The following GGT1 variants were observed in gnomAD, a reference collection of about 807,000 sequenced individuals.
GGT1 encodes glutathione hydrolase 1 proenzyme.
GGT1 carries 21 observed loss-of-function variants against 56.0 expected under a neutral mutation model. The observed-to-expected ratio is 0.38, with a 90% CI of 0.27 to 0.54. The LOEUF (loss-of-function observed/expected upper bound fraction) is 0.54. GGT1 is among the 20% of genes least tolerant of loss of function. The probability of loss-of-function intolerance (pLI) is 0.82; values close to 1 mark genes in which losing one functional copy is unlikely to be tolerated. For synonymous variants in GGT1, 238 were observed against 342.6 expected, an observed-to-expected ratio of 0.69 and a Z score of 3.37; for missense variants, 466 against 787.0, an observed-to-expected ratio of 0.59 and a Z score of 4.88.
At chr22:24,593,165 G>A, upstream of GGT1, 1 of 948,054 alleles carries the variant, frequency 1.1e-6, no homozygotes, top group Non-Finnish European at 1.3e-6. Flanking sequence ...CGAAGGCTGA[G>A]CGCCCGCCCC....
intron 1 of GGT1, among the ~76,000 whole-genome samples, chr22:24,606,078 A>G (rs1264799641): frequency 2.0e-5 from 2 of 102,412 alleles, no homozygotes; most frequent in East Asian, 4.7e-4. Flanking sequence ...TATATAATAT[A>G]TCATATATTA....
At chr22:24,605,817 ATATATTATATGATGTGTAT>A (rs2046202744) in intron 1 of GGT1, among the ~76,000 whole-genome samples, 1 of 69,740 alleles carries the variant, frequency 1.4e-5, no homozygotes, top group African/African-American at 9.5e-5. Context: ...ATTATATATT[ATATATTATATGATGTGTAT>A]TATATATTAT....
At chr22:24,619,658 G>T (rs1268418893) in intron 7 of GGT1, among the ~76,000 whole-genome samples, 30 of 152,184 alleles carry the variant, frequency 2.0e-4, no homozygotes, top group Non-Finnish European at 7.3e-5. Flanking sequence ...GCTCAGTCTT[G>T]CCTCTCTGGG....
rs1303663619 is a variant in GGT1 at position 24,611,535 on chromosome 22, CTATCTATCATCTATCT to C, written c.164+291_164+306del. 9.4e-3 allele frequency among the ~76,000 whole-genome samples: 1,235 copies of C among 131,368 alleles called. 10 individuals are homozygous for C. Among genetic ancestry groups the C allele is most frequent in the African/African-American group, 0.035 (1,020 of 29,382 alleles). The allele number at this position is 131,368 out of a possible 152,430, so 86.2% of individuals were successfully genotyped here. ...TCTTCCTATCTATCTATCTATCTATCTATCTATCATCTATCTATCTATCTATCTATCTATCTATCTA... is the reference window on the plus strand; with the variant it reads ...TCTTCCTATCTATCTATCTATCTATCATCTATCTATCTATCTATCTATCTA... On this transcript the variant is annotated intron_variant, in intron 5 of 15. Transcript: ENST00000400382.
At position 24,597,679 on chromosome 22, in the gene GGT1, T is replaced by TC. The variant is rs2045718125; in HGVS notation, c.-324+2794dup. Among the ~76,000 whole-genome samples the TC allele has an allele frequency of 0.03, 6 of 200 alleles. No individual in the cohort carries two copies. In the South Asian group the frequency reaches 0.43, roughly 14 times the overall value. The allele number at this position is 200 out of a possible 152,430, so 0.1% of individuals were successfully genotyped here. The stretch of plus-strand genomic sequence containing the variant: ...CTGGGTGACAGAGTGAGACTCCATC[T>TC]CAAAAACACACACACACACACACAC... On this transcript the variant is annotated intron_variant, in intron 1 of 6. Coordinates refer to the GGT1 transcript ENST00000411974.
Position 24,615,324 on chromosome 22 carries a change from G to C in GGT1, c.382+197G>C, listed in dbSNP as rs866893180. On this transcript the variant is annotated intron_variant, in intron 7 of 15. Coordinates refer to ENST00000400382, the MANE Select transcript of GGT1 (RefSeq NM_001288833.2). The stretch of plus-strand genomic sequence containing the variant: ...CCATGGTAAAGGGCCGGGAGCTTCT[G>C]TTATTTCTGCTAAGGCCTCCGGGGC... 2.4e-3 allele frequency among the ~76,000 whole-genome samples: 372 copies of C among 152,286 alleles called. 1 individual carries two copies. The highest frequency in any genetic ancestry group is 6.8e-3 in the Middle Eastern group (2 of 294).
upstream of GGT1, chr22:24,589,941 G>A: frequency 1.9e-6 from 3 of 1,599,394 alleles, no homozygotes; most frequent in Non-Finnish European, 2.6e-6. Flanking sequence ...TCCTCTCAAG[G>A]CCCAGGTCCT....
In GGT1 at chr22:24,610,006, C is replaced by G. The variant is rs374899466; in HGVS notation, c.-317C>G. 0.082 allele frequency: 38,353 copies of G among 465,612 alleles called. 1,897 individuals are homozygous for G. Among genetic ancestry groups the G allele is most frequent in the South Asian group, 0.11 (6,965 of 64,086 alleles). 28.8% of individuals were successfully genotyped at this position (465,612 alleles called of 1,614,324 possible). A position where few individuals can be genotyped will look rare whatever the true frequency, so the allele number is the denominator to read the frequency against. On this transcript the variant is annotated 5_prime_UTR_variant, in exon 3 of 16. Coordinates refer to ENST00000400382, the MANE Select transcript of GGT1 (RefSeq NM_001288833.2). ...CTGCCGTCATCCAGGCTGGACAGTT[C>G]AGTGATTTGCCTGAGGCCCCACAGC... is the stretch of plus-strand genomic sequence containing the variant.
chr22:24,617,370 T>G (rs971855638), intron 7 of GGT1, among the ~76,000 whole-genome samples: 16 of 151,970 alleles, frequency 1.1e-4, no homozygotes, highest in African/African-American at 3.6e-4. Flanking sequence ...CTGAGGGAAG[T>G]GGGGGCTCGT....
chr22:24,584,983 C>T, the GGT1 span, among the ~76,000 whole-genome samples: 1 of 152,050 alleles, frequency 6.6e-6, no homozygotes, highest in African/African-American at 2.4e-5. Flanking sequence ...CCCCCAAGGC[C>T]CCCTGCTGCT....
chr22:24,589,652 A>G, the GGT1 span: 1 of 773,146 alleles, frequency 1.3e-6, no homozygotes, highest in Admixed American at 3.3e-5. Context: ...GCTGGTGGCC[A>G]GCCTAATATA....
the GGT1 span, chr22:24,588,808 C>T: frequency 4.6e-5 from 47 of 1,012,692 alleles, no homozygotes; most frequent in South Asian, 1.3e-3. Context: ...ACTGCGCCTG[C>T]GGGGTCTGGG....
At chr22:24,598,370 G>C (rs1202146565), upstream of GGT1, among the ~76,000 whole-genome samples, 4 of 148,614 alleles carry the variant, frequency 2.7e-5, no homozygotes, top group East Asian at 8.0e-4. Context: ...AACCCGAGGG[G>C]TGCAAGTTGC....
chr22:24,606,771 C>T (rs1271426726), intron 1 of GGT1, among the ~76,000 whole-genome samples: 3 of 152,028 alleles, frequency 2.0e-5, no homozygotes, highest in African/African-American at 7.3e-5. Context: ...AATATTGGGT[C>T]AGCCTTCATG....
the GGT1 span, chr22:24,588,409 G>A: frequency 4.5e-6 from 5 of 1,122,122 alleles, no homozygotes; most frequent in Non-Finnish European, 5.3e-6. Context: ...GACCCAGGCA[G>A]CCAAGTGTGT....
chr22:24,588,347 C>T, the GGT1 span: 1 of 1,591,964 alleles, frequency 6.3e-7, no homozygotes, highest in South Asian at 1.1e-5. Flanking sequence ...AGGGCAGTGT[C>T]ACCATGGTGA....
At position 24,624,386 on chromosome 22, in the gene GGT1, A is replaced by G. The variant is rs1391415828; in HGVS notation, c.1020+470A>G. 1.8e-5 allele frequency: 18 copies of G among 985,234 alleles called. No individual in the cohort carries two copies. In the African/African-American group the frequency reaches 2.6e-4, roughly 14 times the overall value. 61.0% of individuals were successfully genotyped at this position (985,234 alleles called of 1,614,324 possible). On this transcript the variant is annotated intron_variant, in intron 11 of 15. Transcript: ENST00000400382. ...CCCCAGCTCCACACTGGGTCCCTAT[A>G]AGACCCTGTCATATCCCTTCCCGCT...
chr22:24,591,565 G>A (rs1205055167), upstream of GGT1, among the ~76,000 whole-genome samples: 1 of 152,240 alleles, frequency 6.6e-6, no homozygotes, highest in Non-Finnish European at 1.5e-5. Flanking sequence ...TGCAGGTTAT[G>A]GAGCAGGATA....
Position 24,628,912 on chromosome 22 carries a change from G to C in GGT1, c.*73G>C, listed in dbSNP as rs1428668218. ...CACCAGGACCAGGAAGGGGACTCTG[G>C]GGGACCGGCTTCCCCTGTGAGCAGC... On this transcript the variant is annotated 3_prime_UTR_variant, in exon 16 of 16. Coordinates refer to ENST00000400382, the MANE Select transcript of GGT1 (RefSeq NM_001288833.2). This position sits in a 1 kb window ranked among gnomAD's most constrained non-coding sequence, Gnocchi z 5.7. The C allele has an allele frequency of 6.3e-7, 1 of 1,598,538 alleles. No homozygotes were observed. Among genetic ancestry groups the C allele is most frequent in the Admixed American group, 1.7e-5 (1 of 57,348 alleles).
Sources: allele counts gnomAD v4.1 joint callset (sites outside exome capture counted in the v4.1 genomes callset), GRCh38; gene constraint gnomAD v4.1.1; non-coding constraint Gnocchi (gnomAD v3.1); transcripts MANE v1.5; gene names NCBI Gene and HGNC (gene_info 2026-07-23, HGNC 2026-07-21).